The following NOS2 variants were observed in gnomAD, a reference collection of about 807,000 sequenced individuals.
NOS2 encodes the protein nitric oxide synthase 2.
NOS2 carries 96 observed loss-of-function variants against 136.0 expected under a neutral mutation model. That is an observed-to-expected ratio of 0.71 (90% confidence interval 0.60 to 0.84). The LOEUF is 0.84. Among genes scored for constraint, NOS2 ranks in the 40% least tolerant of loss-of-function variants. NOS2 has a pLI of 0.00. For synonymous variants in NOS2, 539 were observed against 587.5 expected (o/e 0.92, Z 1.20); for missense variants, 1,237 against 1,496.9 (o/e 0.83, Z 2.87).
chr17:27,764,986 CTTTT>C (rs1567633903), intron 20 of NOS2, among the ~76,000 whole-genome samples: 1 of 152,112 alleles, frequency 6.6e-6, no homozygotes, highest in African/African-American at 2.4e-5. Flanking sequence ...ATCCCACTTT[CTTTT>C]TTATTTTTTT....
intron 6 of NOS2, 116 bp from the exon 7 acceptor site, chr17:27,782,222 T>C: frequency 2.4e-6 from 2 of 835,990 alleles, no homozygotes; most frequent in Middle Eastern, 2.2e-4. Flanking sequence ...ACACAAACAC[T>C]CAACACCATG....
chr17:27,772,406 G>A lies in NOS2; in HGVS notation c.1606C>T (p.Arg536Ter), dbSNP rs1452540488. Residue 536 changes from arginine to a stop codon, truncating the protein, a stop_gained, in exon 14 of 27, where the codon CGA becomes TGA. Coordinates refer to ENST00000313735, the MANE Select transcript of NOS2 (RefSeq NM_000625.4). LOFTEE classifies it high-confidence loss of function. The part of the protein sequence containing the change: ...CMLMRKTMAS[R>*]VRVTILFATE... ...GCAAAGAGGATGGTGACTCTGACTC[G>A]GGACGCCATTGTCTTGCGCATCAGC... The A allele has an allele frequency of 3.1e-6, 5 of 1,614,034 alleles. No homozygotes were observed. Among genetic ancestry groups the A allele is most frequent in the Admixed American group, 1.7e-5 (1 of 60,024 alleles).
chr17:27,759,574 G>A (rs1041545540), intron 25 of NOS2, among the ~76,000 whole-genome samples: 15 of 152,166 alleles, frequency 9.9e-5, no homozygotes, highest in Non-Finnish European at 2.2e-4. Context: ...GGCCCAAGAG[G>A]TGCCCTGATG....
chr17:27,787,623 C>G, intron 5 of NOS2, 55 bp downstream of exon 5: 1 of 1,336,672 alleles, frequency 7.5e-7, no homozygotes, highest in Non-Finnish European at 1.1e-6. Context: ...TGGGTAGAGA[C>G]AGGAGAGCAG....
chr17:27,799,891 C>A (rs1484983118), intron 1 of NOS2, among the ~76,000 whole-genome samples: 1 of 151,964 alleles, frequency 6.6e-6, no homozygotes, highest in Non-Finnish European at 1.5e-5. Flanking sequence ...AACTTATAGC[C>A]CCATAGACCT....
In NOS2 at chr17:27,773,161, T is replaced by C. The variant is rs1908550280; in HGVS notation, c.1559A>G (p.Lys520Arg). 6.2e-7 allele frequency: 1 copy of C among 1,613,342 alleles called. No individual in the cohort carries two copies. Among genetic ancestry groups the C allele is most frequent in the African/African-American group, 1.3e-5 (1 of 74,920 alleles). The change falls in exon 13 of 27, where the codon AAA (lysine) becomes AGA (arginine). Residue 520 changes from lysine to arginine, a missense_variant and splice_region_variant. Lys to Arg is a conservative substitution (Grantham distance 26). Around this residue, in one of 3 missense-constraint regions of NOS2, gnomAD observed 782 missense variants for 909.9 expected, o/e 0.86. Coordinates refer to ENST00000313735, the MANE Select transcript of NOS2 (RefSeq NM_000625.4). ...RREIPLKVLVKAVLFACMLMR... is the reference protein window; with the variant it reads ...RREIPLKVLVRAVLFACMLMR... ...ACTAGCCACTGCCACTGCCACTCAC[T>C]TGACCAAGACTTTCAATGGAATCTC...
chr17:27,784,587 C>T (rs2142520276), intron 5 of NOS2, among the ~76,000 whole-genome samples: 1 of 152,336 alleles, frequency 6.6e-6, no homozygotes, highest in Non-Finnish European at 1.5e-5. Context: ...ACATTCACAT[C>T]CAATTCCTTC....
In NOS2 at chr17:27,761,139, C is replaced by T. The variant is rs199568843; in HGVS notation, c.2888+5G>A. The T allele has an allele frequency of 6.4e-5, 101 of 1,582,494 alleles. No individual in the cohort carries two copies. Among genetic ancestry groups the T allele is most frequent in the Non-Finnish European group, 8.4e-5 (98 of 1,164,328 alleles). On this transcript the variant is annotated splice_donor_5th_base_variant and intron_variant, in intron 23 of 26. Coordinates refer to ENST00000313735, the MANE Select transcript of NOS2 (RefSeq NM_000625.4). ...CACAGGGGACAGAGTGGAAGGGGTG[C>T]TTACTTCCGCACAAAGCAGGGCACT...
intron 11 of NOS2, among the ~76,000 whole-genome samples, chr17:27,776,778 C>T (rs1908673353): frequency 6.6e-6 from 1 of 151,872 alleles, no homozygotes; most frequent in Non-Finnish European, 1.5e-5. Flanking sequence ...GTCTATGGGC[C>T]AGGCAGTGCA....
chr17:27,762,903 G>A lies in NOS2; in HGVS notation c.2695C>T (p.Gln899Ter), dbSNP rs1312695691. Residue 899 changes from glutamine (Q) to a stop codon, truncating the protein, a stop_gained, in exon 22 of 27, where the codon CAG (glutamine) becomes TAG (stop). Coordinates refer to ENST00000313735, the MANE Select transcript of NOS2 (RefSeq NM_000625.4). LOFTEE classifies it high-confidence loss of function. ...AACCTGGGCTTCAGAATGGGGAGCTGGGAAAGCAGGAAGCCAGCAGACACC... is the reference window on the plus strand; with the variant it reads ...AACCTGGGCTTCAGAATGGGGAGCTAGGAAAGCAGGAAGCCAGCAGACACC... Reference protein sequence around the residue: ...LRVSAGFLLSQLPILKPRFYS... With the variant: ...LRVSAGFLLS 1 of 1,601,722 alleles carries A rather than the reference G, an allele frequency of 6.2e-7. No homozygotes were observed. Among genetic ancestry groups the A allele is most frequent in the Non-Finnish European group, 8.5e-7 (1 of 1,175,046 alleles).
At chr17:27,783,140 A>G in intron 5 of NOS2, 34 bp from the exon 6 acceptor site, 3 of 1,610,308 alleles carry the variant, frequency 1.9e-6, no homozygotes. Flanking sequence ...AAGATCAACA[A>G]TGAGATGGCC....
chr17:27,758,300 C>T (rs1471666459), intron 26 of NOS2, among the ~76,000 whole-genome samples: 2 of 152,166 alleles, frequency 1.3e-5, no homozygotes, highest in East Asian at 1.9e-4. Context: ...CTGTGGTCCC[C>T]GTAGGCCCCC....
At chr17:27,760,282 C>T in intron 24 of NOS2, 104 bp from the exon 25 acceptor site, 1 of 1,210,598 alleles carries the variant, frequency 8.3e-7, no homozygotes, top group African/African-American at 1.5e-5. Flanking sequence ...TATTTAATAG[C>T]ATTATCCCCA....
chr17:27,770,854 T>C, intron 15 of NOS2, 59 bp downstream of exon 15: 1 of 1,309,514 alleles, frequency 7.6e-7, no homozygotes, highest in South Asian at 1.2e-5. Context: ...CCCAGACCCT[T>C]TCCTGGGTCC....
chr17:27,761,514 T>C (rs978134716), intron 22 of NOS2, among the ~76,000 whole-genome samples: 6 of 152,298 alleles, frequency 3.9e-5, no homozygotes, highest in Admixed American at 1.3e-4. Flanking sequence ...ACTCAGGTCG[T>C]GGTGGAATCA....
rs200895544 is a variant in NOS2 at position 27,789,682 on chromosome 17, C to T, written c.117G>A (p.Val39=). 14 of 1,613,470 alleles carry T rather than the reference C, an allele frequency of 8.7e-6. No individual in the cohort carries two copies. In the African/African-American group the frequency reaches 1.6e-4, roughly 18 times the overall value. The change falls in exon 3 of 27, where the codon GTG becomes GTA. Residue 39 remains valine (V), a synonymous_variant. Transcript: ENST00000313735. ...EKAPCATSSP[V]TQDDLQYHNL... ...TGTGATACTGAAGGTCATCCTGTGT[C>T]ACTGGACTGTGAAAGGAAACAGCTA...
chr17:27,761,056 G>A (rs562307344), intron 23 of NOS2, 88 bp downstream of exon 23: 11 of 1,242,212 alleles, frequency 8.9e-6, no homozygotes, highest in East Asian at 7.6e-5. Context: ...GGCTCCGAGC[G>A]TCTCCTAAAC....
chr17:27,783,141 T>A, intron 5 of NOS2, 35 bp from the exon 6 acceptor site: 1 of 1,609,212 alleles, frequency 6.2e-7, no homozygotes, highest in Non-Finnish European at 8.5e-7. Flanking sequence ...AGATCAACAA[T>A]GAGATGGCCT....
intron 14 of NOS2, 52 bp from the exon 15 acceptor site, chr17:27,771,069 C>T (rs1319825463): frequency 7.4e-7 from 1 of 1,348,110 alleles, no homozygotes; most frequent in East Asian, 2.4e-5. Flanking sequence ...AGGGCCCTCC[C>T]TACCCTGCGC....
Sources: gnomAD v4.1 joint callset for allele counts (sites outside exome capture counted in the v4.1 genomes callset) on GRCh38, gnomAD v4.1.1 for gene constraint, gnomAD v4.1.1 regional missense constraint, MANE v1.5 for transcripts, NCBI Gene and HGNC (gene_info 2026-07-23, HGNC 2026-07-21) for gene names.